Variants in ZMAT4 observed in about 807,000 individuals in gnomAD.
ZMAT4 encodes the protein zinc finger matrin-type 4, also known as zinc finger matrin-type protein 4.
ZMAT4 carries 17 observed loss-of-function variants against 28.7 expected under a neutral mutation model. The observed-to-expected ratio is 0.59, with a 90% CI of 0.41 to 0.89. The LOEUF (loss-of-function observed/expected upper bound fraction) is 0.89, where lower values mean the gene tolerates loss of function less well. Ranked by LOEUF, ZMAT4 falls within the 40% of genes least tolerant of loss-of-function variation. The pLI, the probability that ZMAT4 is intolerant of heterozygous loss-of-function variation, is 0.00. For missense variants in ZMAT4, 240 were observed against 283.8 expected (o/e 0.85, Z 1.11); for synonymous variants, 117 against 109.2 (o/e 1.07, Z -0.44).
chr8:40,620,671 T>C (rs1806165192), intron 5 of ZMAT4, among the ~76,000 whole-genome samples: 1 of 152,228 alleles, frequency 6.6e-6, no homozygotes. Flanking sequence ...ATGTTATTAT[T>C]AAGCTCTTGA....
chr8:40,790,503 T>C lies in ZMAT4; in HGVS notation c.103-22773A>G, dbSNP rs112082037. 9.4e-3 allele frequency among the ~76,000 whole-genome samples: 1,436 copies of C among 152,264 alleles called. 23 individuals are homozygous for C. Among genetic ancestry groups the C allele is most frequent in the African/African-American group, 0.033 (1,386 of 41,560 alleles). ...CATAGAGAATTTAAATTTTAAAGAA[T>C]AACATTTATAATTTAATTGTTTAAA... On this transcript the variant is annotated intron_variant, in intron 2 of 6. Transcript: ENST00000297737.
At chr8:40,894,895 T>C (rs1001704326) in intron 1 of ZMAT4, among the ~76,000 whole-genome samples, 5 of 152,216 alleles carry the variant, frequency 3.3e-5, no homozygotes, top group Non-Finnish European at 7.3e-5. Context: ...AAAAGGCTCT[T>C]CTCTGATAAA....
chr8:40,770,642 G>A (rs1336706811), intron 2 of ZMAT4, among the ~76,000 whole-genome samples: 1 of 147,620 alleles, frequency 6.8e-6, no homozygotes. Context: ...CCACCTCCCA[G>A]GTTCAAGCAA....
intron 5 of ZMAT4, among the ~76,000 whole-genome samples, chr8:40,620,430 G>A (rs1160001224): frequency 6.6e-5 from 10 of 152,208 alleles, no homozygotes; most frequent in Non-Finnish European, 1.5e-5. Context: ...CCCAGAGCTA[G>A]TGATCTGTTA....
chr8:40,583,921 A>T (rs1010543220), intron 5 of ZMAT4, among the ~76,000 whole-genome samples: 5 of 152,200 alleles, frequency 3.3e-5, no homozygotes, highest in Non-Finnish European at 7.3e-5. Context: ...GGTAGAGGAA[A>T]CAATCATATA....
rs1333432698 is a variant in ZMAT4 at position 40,825,614 on chromosome 8, T to C, written c.63A>G (p.Ala21=). The change falls in exon 2 of 7, where the codon GCA becomes GCG. Residue 21 remains alanine, a synonymous_variant. Coordinates refer to ENST00000297737, the MANE Select transcript of ZMAT4 (RefSeq NM_024645.3). ...FTDSYCKVCS[A]QLISESQRVA... ...CACGCTGCGATTCGGAGATCAGCTG[T>C]GCACTGCACACCTTGCAGTAACTGT... 4.5e-6 allele frequency: 7 copies of C among 1,554,912 alleles called. No homozygotes were observed. The highest frequency in any genetic ancestry group is 6.1e-6 in the Non-Finnish European group (7 of 1,148,182).
chr8:40,595,981 G>A (rs990385131), intron 5 of ZMAT4, among the ~76,000 whole-genome samples: 1 of 152,144 alleles, frequency 6.6e-6, no homozygotes, highest in Non-Finnish European at 1.5e-5. Flanking sequence ...CTACTAAGGA[G>A]GTTGAGGCAG....
Position 40,723,678 on chromosome 8 carries a change from A to T in ZMAT4, c.193-26277T>A, listed in dbSNP as rs145074441. 5.9e-5 allele frequency among the ~76,000 whole-genome samples: 9 copies of T among 152,220 alleles called. No individual in the cohort carries two copies. In the East Asian group the frequency reaches 1.7e-3, roughly 29 times the overall value. ...AGATTTAGGAATCTAACCAGATTTT[A>T]TATTATTCCTGTGGGGTAAAACTGT... On this transcript the variant is annotated intron_variant, in intron 3 of 6. Transcript: ENST00000297737.
intron 6 of ZMAT4, among the ~76,000 whole-genome samples, chr8:40,571,048 C>G (rs550078509): frequency 6.6e-6 from 1 of 152,054 alleles, no homozygotes; most frequent in Admixed American, 6.6e-5. Flanking sequence ...CGGAACCATT[C>G]TGGAGGCAAT....
intron 2 of ZMAT4, among the ~76,000 whole-genome samples, chr8:40,794,850 C>T (rs1240140176): frequency 1.3e-5 from 2 of 150,906 alleles, no homozygotes; most frequent in East Asian, 2.0e-4. Context: ...GCAATGATTG[C>T]GTTCATGTGA....
At chr8:40,866,573 A>T (rs1817683110) in intron 1 of ZMAT4, among the ~76,000 whole-genome samples, 1 of 152,236 alleles carries the variant, frequency 6.6e-6, no homozygotes, top group Admixed American at 6.5e-5. Context: ...GACTGGGCTC[A>T]CATCTGGCTG....
At chr8:40,820,587 T>C (rs1282363852) in intron 2 of ZMAT4, among the ~76,000 whole-genome samples, 1 of 124,186 alleles carries the variant, frequency 8.1e-6, no homozygotes. Flanking sequence ...TTTATGTGTG[T>C]ATCTGTATGT....
At chr8:40,716,675 G>A (rs530369691) in intron 3 of ZMAT4, among the ~76,000 whole-genome samples, 1 of 152,278 alleles carries the variant, frequency 6.6e-6, no homozygotes, top group Admixed American at 6.5e-5. Context: ...CTGGGCGACA[G>A]AACGAGACTG....
intron 1 of ZMAT4, among the ~76,000 whole-genome samples, chr8:40,830,561 T>G (rs1816244209): frequency 6.6e-6 from 1 of 152,262 alleles, no homozygotes; most frequent in Non-Finnish European, 1.5e-5. Context: ...GTACCAGATT[T>G]TCTTTATCCA....
chr8:40,844,610 TTCTCTCTCCTC>T (rs1041201167), intron 1 of ZMAT4, among the ~76,000 whole-genome samples: 14 of 148,890 alleles, frequency 9.4e-5, no homozygotes, highest in South Asian at 4.3e-4. Flanking sequence ...TATATACTCT[TTCTCTCTCCTC>T]TCTCTCTCCT....
At chr8:40,712,107 C>T (rs1425999521) in intron 3 of ZMAT4, among the ~76,000 whole-genome samples, 2 of 152,124 alleles carry the variant, frequency 1.3e-5, no homozygotes, top group African/African-American at 2.4e-5. Context: ...GATAGACCAC[C>T]TGATGCCAGA....
chr8:40,663,714 T>C (rs773912791), intron 5 of ZMAT4, among the ~76,000 whole-genome samples: 3 of 152,136 alleles, frequency 2.0e-5, no homozygotes, highest in Non-Finnish European at 4.4e-5. Context: ...AAAATAATAA[T>C]GCAAAAATAA....
chr8:40,563,947 A>G (rs1803832321), intron 6 of ZMAT4, among the ~76,000 whole-genome samples: 1 of 152,068 alleles, frequency 6.6e-6, no homozygotes, highest in African/African-American at 2.4e-5. Flanking sequence ...AGGGGAAACC[A>G]ATGAGTTTCC....
At chr8:40,543,783 A>C (rs1803113902) in intron 6 of ZMAT4, among the ~76,000 whole-genome samples, 1 of 152,166 alleles carries the variant, frequency 6.6e-6, no homozygotes, top group South Asian at 2.1e-4. Flanking sequence ...ATATGACCTT[A>C]CCACCCCTTA....
Sources: allele counts gnomAD v4.1 joint callset (sites outside exome capture counted in the v4.1 genomes callset), GRCh38; gene constraint gnomAD v4.1.1; transcripts MANE v1.5; gene names NCBI Gene and HGNC (gene_info 2026-07-23, HGNC 2026-07-21).